Variants in ACOXL observed in about 807,000 individuals in gnomAD.
ACOXL encodes acyl-coenzyme A oxidase-like protein.
Under a neutral mutation model 71.9 loss-of-function variants are expected in ACOXL, and 70 were observed. That is an observed-to-expected ratio of 0.97 (90% CI 0.80 to 1.19). ACOXL has a LOEUF of 1.19. Among genes scored for constraint, ACOXL ranks in the 50% most tolerant of loss-of-function variants. The pLI is 0.00. For missense variants in ACOXL, 703 were observed against 736.3 expected (o/e 0.95, Z 0.52); for synonymous variants, 253 against 281.6 (o/e 0.90, Z 1.02).
At chr2:110,920,640 G>A (rs769881161) in intron 11 of ACOXL, among the ~76,000 whole-genome samples, 3 of 151,788 alleles carry the variant, frequency 2.0e-5, no homozygotes, top group Non-Finnish European at 4.4e-5. Context: ...GCTCTCTAAT[G>A]TTCTTTTTTG....
intron 12 of ACOXL, among the ~76,000 whole-genome samples, chr2:110,980,141 C>A (rs532056624): frequency 6.6e-6 from 1 of 152,326 alleles, no homozygotes; most frequent in Non-Finnish European, 1.5e-5. Context: ...GGCTTAGCCC[C>A]TCTGAGAGTT....
At chr2:110,940,103 G>A (rs957668575) in intron 12 of ACOXL, among the ~76,000 whole-genome samples, 3 of 152,260 alleles carry the variant, frequency 2.0e-5, no homozygotes, top group Non-Finnish European at 2.9e-5. Context: ...ATTGAAAAAA[G>A]GAATTTTATG....
chr2:111,023,762 C>T (rs958949324), intron 14 of ACOXL, among the ~76,000 whole-genome samples: 4 of 152,090 alleles, frequency 2.6e-5, no homozygotes, highest in Non-Finnish European at 5.9e-5. Context: ...GAAGCTGTCA[C>T]AGCTGGGGAA....
chr2:111,094,168 A>T (rs1330359626), intron 17 of ACOXL: 1 of 152,158 alleles, frequency 6.6e-6, no homozygotes, highest in East Asian at 1.9e-4. Context: ...TGTCTAATGG[A>T]AAACCTGGAG....
chr2:110,985,507 A>G (rs1249918108), intron 12 of ACOXL, among the ~76,000 whole-genome samples: 3 of 152,204 alleles, frequency 2.0e-5, no homozygotes, highest in African/African-American at 7.2e-5. Flanking sequence ...CAAAGTAAAC[A>G]TGATCACAGC....
intron 14 of ACOXL, among the ~76,000 whole-genome samples, chr2:111,008,802 G>T (rs2063996397): frequency 6.6e-6 from 1 of 152,144 alleles, no homozygotes; most frequent in South Asian, 2.1e-4. Context: ...ATTTTTGCCA[G>T]TTTGATAGGT....
Position 110,856,664 on chromosome 2 carries a change from G to A in ACOXL, c.788+15259G>A, listed in dbSNP as rs147302300. On this transcript the variant is annotated intron_variant, in intron 10 of 17. Coordinates refer to ENST00000439055, the MANE Select transcript of ACOXL (RefSeq NM_001142807.4). Reference sequence around the variant, plus strand: ...AAATTGTAAAAGGTACAGCCACAGGGGTGATAAGCACTTAATTAAGATGGA... The same window carrying A: ...AAATTGTAAAAGGTACAGCCACAGGAGTGATAAGCACTTAATTAAGATGGA... Among the ~76,000 whole-genome samples the A allele has an allele frequency of 4.4e-3, 673 of 152,326 alleles. 2 individuals carry two copies. The highest frequency in any genetic ancestry group is 0.013 in the South Asian group (61 of 4,826).
rs2008009 is a variant in ACOXL at position 111,118,228 on chromosome 2, A to T, written c.*412A>T. The stretch of plus-strand genomic sequence containing the variant: ...ACTGTGGTGCCGAGTGAAAGAAAAA[A>T]AAAAAAGCAAACACCCTTAGACAAA... On this transcript the variant is annotated 3_prime_UTR_variant, in exon 18 of 18. Transcript: ENST00000439055. 92,892 of 223,726 alleles carry T rather than the reference A, an allele frequency of 0.42. 21,424 individuals carry two copies. Among genetic ancestry groups the T allele is most frequent in the Non-Finnish European group, 0.48 (54,220 of 113,810 alleles). 13.9% of individuals were successfully genotyped at this position (223,726 alleles called of 1,614,324 possible).
chr2:110,846,787 T>TGG (rs540315504), intron 10 of ACOXL, among the ~76,000 whole-genome samples: 42 of 150,088 alleles, frequency 2.8e-4, no homozygotes, highest in African/African-American at 8.6e-4. Flanking sequence ...GTGTGTGTGT[T>TGG]GGGGGGGGTG....
intron 17 of ACOXL, chr2:111,093,462 A>G: frequency 1.2e-6 from 2 of 1,614,014 alleles, no homozygotes; most frequent in South Asian, 2.2e-5. Context: ...AGTAAAACAC[A>G]TTTCTGATTA....
chr2:110,829,235 A>C (rs1361101416), intron 9 of ACOXL, among the ~76,000 whole-genome samples: 2 of 152,102 alleles, frequency 1.3e-5, no homozygotes, highest in African/African-American at 2.4e-5. Flanking sequence ...GTAGTTTTCT[A>C]TCTGCTGAAC....
At chr2:110,905,355 A>G (rs2059403169) in intron 10 of ACOXL, among the ~76,000 whole-genome samples, 2 of 152,122 alleles carry the variant, frequency 1.3e-5, no homozygotes, top group Admixed American at 6.5e-5. Context: ...GAGGTCCAGG[A>G]TGGGAAGCAT....
intron 10 of ACOXL, among the ~76,000 whole-genome samples, chr2:110,852,358 T>TGGCTCCCC (rs1201936022): frequency 6.6e-6 from 1 of 152,146 alleles, no homozygotes; most frequent in Non-Finnish European, 1.5e-5. Context: ...GTGGGGGCCC[T>TGGCTCCCC]GGCTCCCTGG....
intron 14 of ACOXL, chr2:111,016,373 A>T (rs1420086363): frequency 2.6e-5 from 4 of 152,192 alleles, no homozygotes; most frequent in Non-Finnish European, 5.9e-5. Flanking sequence ...ATGTGCATGT[A>T]AGGAATCCTG....
intron 9 of ACOXL, among the ~76,000 whole-genome samples, chr2:110,807,092 A>G (rs1686744603): frequency 6.6e-6 from 1 of 152,232 alleles, no homozygotes; most frequent in Non-Finnish European, 1.5e-5. Flanking sequence ...TGGGGGCCAC[A>G]TTCGCATCAG....
At chr2:111,014,294 G>A (rs1365926580) in intron 14 of ACOXL, among the ~76,000 whole-genome samples, 1 of 152,128 alleles carries the variant, frequency 6.6e-6, no homozygotes. Flanking sequence ...AGGGCTACAG[G>A]ACACAAACTC....
At chr2:110,816,138 TAGAC>T (rs1339490032) in intron 9 of ACOXL, among the ~76,000 whole-genome samples, 3 of 151,764 alleles carry the variant, frequency 2.0e-5, no homozygotes, top group African/African-American at 2.4e-5. Context: ...AATGGATGGA[TAGAC>T]AGATGTATAA....
At chr2:111,038,557 T>G (rs558763896) in intron 15 of ACOXL, among the ~76,000 whole-genome samples, 27 of 152,342 alleles carry the variant, frequency 1.8e-4, no homozygotes, top group Non-Finnish European at 3.4e-4. Flanking sequence ...GTACCAAAAT[T>G]GATGGGCAAA....
chr2:110,752,051 C>T (rs1679041355), intron 1 of ACOXL, among the ~76,000 whole-genome samples: 1 of 143,922 alleles, frequency 6.9e-6, no homozygotes, highest in Non-Finnish European at 1.5e-5. Flanking sequence ...CAGATGGAGT[C>T]TTGCTCTGTC....
Sources: allele counts gnomAD v4.1 joint callset (sites outside exome capture counted in the v4.1 genomes callset), GRCh38; gene constraint gnomAD v4.1.1; transcripts MANE v1.5; gene names NCBI Gene and HGNC (gene_info 2026-07-23, HGNC 2026-07-21).